Variants in ADAM9 observed in about 807,000 individuals in gnomAD.
The protein encoded by ADAM9 is disintegrin and metalloproteinase domain-containing protein 9.
ADAM9 carries 54 observed loss-of-function variants against 108.1 expected under a neutral mutation model. That is an observed-to-expected ratio of 0.50 (90% CI 0.40 to 0.63). ADAM9 has a LOEUF of 0.63. ADAM9 is among the 20% of genes least tolerant of loss of function. The pLI, the probability that ADAM9 is intolerant of heterozygous loss-of-function variation, is 0.00. For synonymous variants in ADAM9, 316 were observed against 336.0 expected (o/e 0.94, Z 0.65); for missense variants, 830 against 997.7 (o/e 0.83, Z 2.26).
chr8:39,035,073 G>C (rs1219565543), intron 11 of ADAM9, among the ~76,000 whole-genome samples: 2 of 152,082 alleles, frequency 1.3e-5, no homozygotes, highest in African/African-American at 4.8e-5. Flanking sequence ...TGATTCTAGT[G>C]AACTGTGTGT....
At chr8:39,099,875 G>GTTTTTTTTTTTTTTTTTT (rs111740274) in intron 20 of ADAM9, among the ~76,000 whole-genome samples, 1 of 89,544 alleles carries the variant, frequency 1.1e-5, no homozygotes, top group African/African-American at 4.2e-5. Context: ...TATCGTGTTT[G>GTTTTTTTTTTTTTTTTTT]TTTTTTTTTT....
chr8:39,080,727 G>A (rs1588420332), intron 16 of ADAM9, among the ~76,000 whole-genome samples: 1 of 152,072 alleles, frequency 6.6e-6, no homozygotes, highest in African/African-American at 2.4e-5. Flanking sequence ...AGCTAAACGT[G>A]GGGTAGGGGG....
intron 11 of ADAM9, among the ~76,000 whole-genome samples, chr8:39,038,397 G>A (rs1837350741): frequency 6.6e-6 from 1 of 152,026 alleles, no homozygotes; most frequent in Admixed American, 6.6e-5. Context: ...TCTTTCTATA[G>A]TGTTTTCCTC....
At chr8:39,064,232 G>A (rs535822684) in intron 14 of ADAM9, among the ~76,000 whole-genome samples, 10 of 152,134 alleles carry the variant, frequency 6.6e-5, no homozygotes, top group South Asian at 4.1e-4. Context: ...TCAGTGCTAC[G>A]TTAACTTTTG....
intron 15 of ADAM9, among the ~76,000 whole-genome samples, chr8:39,075,149 C>A (rs539493573): frequency 6.6e-6 from 1 of 152,034 alleles, no homozygotes; most frequent in African/African-American, 2.4e-5. Context: ...TCAAATGATC[C>A]GCTTACCTTA....
intron 11 of ADAM9, among the ~76,000 whole-genome samples, chr8:39,038,677 A>G (rs1837359996): frequency 6.6e-6 from 1 of 152,256 alleles, no homozygotes; most frequent in South Asian, 2.1e-4. Context: ...AATGCCTTGT[A>G]CATAATAGAT....
In ADAM9 at chr8:39,083,013, C is replaced by G. The variant is rs764506963; in HGVS notation, c.2008C>G (p.Pro670Ala). The change falls in exon 18 of 22, where the codon CCC becomes GCC. Residue 670 changes from proline to alanine, a missense_variant. Coordinates refer to ENST00000487273, the MANE Select transcript of ADAM9 (RefSeq NM_003816.3). ...KNCHCENGWA[P>A]PNCETKGYGG... ...TTGTCACTGTGAAAATGGCTGGGCT[C>G]CCCCAAATTGTGAGACTAAAGGATA... The G allele has an allele frequency of 6.2e-7, 1 of 1,613,782 alleles. No homozygotes were observed. Among genetic ancestry groups the G allele is most frequent in the Non-Finnish European group, 8.5e-7 (1 of 1,179,802 alleles).
At chr8:39,028,163 C>T (rs1588352469) in intron 11 of ADAM9, among the ~76,000 whole-genome samples, 1 of 152,296 alleles carries the variant, frequency 6.6e-6, no homozygotes, top group African/African-American at 2.4e-5. Context: ...CCACCTCCCT[C>T]AGGCTCCTGA....
At chr8:39,081,401 TATTTA>T (rs1342350758) in intron 16 of ADAM9, among the ~76,000 whole-genome samples, 1 of 152,228 alleles carries the variant, frequency 6.6e-6, no homozygotes, top group African/African-American at 2.4e-5. Context: ...CATTTCATCT[TATTTA>T]ACACTTCAGG....
At chr8:39,013,527 A>G (rs1299468657) in intron 3 of ADAM9, among the ~76,000 whole-genome samples, 1 of 148,312 alleles carries the variant, frequency 6.7e-6, no homozygotes, top group Admixed American at 6.8e-5. Flanking sequence ...TTAAGAGACA[A>G]GGTCTTACTC....
chr8:39,058,053 A>G (rs1489287194), intron 14 of ADAM9, among the ~76,000 whole-genome samples: 1 of 152,080 alleles, frequency 6.6e-6, no homozygotes, highest in African/African-American at 2.4e-5. Context: ...CTAAAACCTC[A>G]CTAACCTCTT....
chr8:39,005,331 GATTAATA>G (rs1472346311), intron 1 of ADAM9, among the ~76,000 whole-genome samples: 1 of 152,116 alleles, frequency 6.6e-6, no homozygotes, highest in Non-Finnish European at 1.5e-5. Context: ...AGATTAGTAA[GATTAATA>G]ATTAATAAGT....
chr8:39,054,601 G>GTAAA, intron 13 of ADAM9, 28 bp downstream of exon 13: 1 of 752,312 alleles, frequency 1.3e-6, no homozygotes, highest in Middle Eastern at 3.0e-4. Context: ...TTTGGAAACA[G>GTAAA]GAAAAAAAAA....
At chr8:39,034,880 G>T (rs375271703) in intron 11 of ADAM9, among the ~76,000 whole-genome samples, 3 of 151,784 alleles carry the variant, frequency 2.0e-5, no homozygotes, top group Non-Finnish European at 4.4e-5. Flanking sequence ...GCATACATAC[G>T]TATGTTATGT....
At chr8:39,036,203 TAG>T (rs1332173319) in intron 11 of ADAM9, among the ~76,000 whole-genome samples, 1 of 152,192 alleles carries the variant, frequency 6.6e-6, no homozygotes, top group Non-Finnish European at 1.5e-5. Flanking sequence ...GCATTGCTGT[TAG>T]ATTCTGGAAA....
At chr8:39,044,014 G>C (rs1255551118) in intron 12 of ADAM9, among the ~76,000 whole-genome samples, 1 of 152,126 alleles carries the variant, frequency 6.6e-6, no homozygotes, top group Non-Finnish European at 1.5e-5. Flanking sequence ...ATGGTTTGCA[G>C]ATATTTCCCC....
At chr8:39,007,464 G>A (rs1564223518) in intron 1 of ADAM9, among the ~76,000 whole-genome samples, 1 of 152,194 alleles carries the variant, frequency 6.6e-6, no homozygotes, top group African/African-American at 2.4e-5. Context: ...TGCTGGGTGA[G>A]GGGGAGGAAT....
At chr8:39,009,932 G>GAT (rs57357339) in intron 2 of ADAM9, among the ~76,000 whole-genome samples, 1 of 14,662 alleles carries the variant, frequency 6.8e-5, no homozygotes, top group African/African-American at 2.8e-4. Flanking sequence ...GAGAGAGAGA[G>GAT]ACAAAAACAA....
At chr8:39,019,418 T>C (rs1444949612) in intron 7 of ADAM9, among the ~76,000 whole-genome samples, 1 of 152,244 alleles carries the variant, frequency 6.6e-6, no homozygotes, top group Non-Finnish European at 1.5e-5. Flanking sequence ...TTTCCTTATT[T>C]ATACTTAAGA....
Sources: allele counts gnomAD v4.1 joint callset (sites outside exome capture counted in the v4.1 genomes callset), GRCh38; gene constraint gnomAD v4.1.1; transcripts MANE v1.5; gene names NCBI Gene and HGNC (gene_info 2026-07-23, HGNC 2026-07-21).